SLC13A3: variants seen among roughly 807,000 people sequenced by gnomAD.
The protein encoded by SLC13A3 is solute carrier family 13 member 3.
In SLC13A3, 40 loss-of-function variants were observed where a neutral mutation model predicts 59.0. That is an observed-to-expected ratio of 0.68 (90% CI 0.53 to 0.88). SLC13A3 has a LOEUF of 0.88. Ranked by LOEUF, SLC13A3 falls within the 40% of genes least tolerant of loss-of-function variation. The probability of loss-of-function intolerance (pLI) is 0.00; values close to 1 mark genes in which losing one functional copy is unlikely to be tolerated. For synonymous variants in SLC13A3, 317 were observed against 330.3 expected (o/e 0.96, Z 0.44); for missense variants, 699 against 783.2 (o/e 0.89, Z 1.28).
intron 1 of SLC13A3, among the ~76,000 whole-genome samples, chr20:46,648,612 G>A (rs1369798777): frequency 6.6e-6 from 1 of 152,150 alleles, no homozygotes; most frequent in Non-Finnish European, 1.5e-5. Context: ...AGCATGTAAG[G>A]CACAGCAGTT....
intron 1 of SLC13A3, among the ~76,000 whole-genome samples, chr20:46,640,864 T>C (rs779170054): frequency 9.2e-5 from 14 of 152,162 alleles, no homozygotes; most frequent in Non-Finnish European, 1.6e-4. Flanking sequence ...CACTGTCCTG[T>C]TGAGTTGGGT....
intron 1 of SLC13A3, among the ~76,000 whole-genome samples, chr20:46,614,111 C>T (rs1252184375): frequency 6.6e-6 from 1 of 152,148 alleles, no homozygotes; most frequent in Non-Finnish European, 1.5e-5. Flanking sequence ...GGAAATGAAA[C>T]AGAAGGAAGC....
At chr20:46,648,107 A>G (rs1368932182) in intron 1 of SLC13A3, among the ~76,000 whole-genome samples, 3 of 152,196 alleles carry the variant, frequency 2.0e-5, no homozygotes, top group African/African-American at 7.2e-5. Flanking sequence ...GGAGGCTCTC[A>G]CAGGGAGTGA....
chr20:46,640,970 G>A (rs2062841277), intron 1 of SLC13A3, among the ~76,000 whole-genome samples: 1 of 152,166 alleles, frequency 6.6e-6, no homozygotes, highest in South Asian at 2.1e-4. Context: ...AAAGTTGGCT[G>A]GACCTCAGAG....
chr20:46,613,924 G>A, intron 1 of SLC13A3, 199 bp from the exon 2 acceptor site: 2 of 506,686 alleles, frequency 3.9e-6, no homozygotes, highest in East Asian at 3.2e-5. Context: ...CTTAAAGCAG[G>A]TGGCATCACC....
At chr20:46,593,837 C>T (rs1328499460) in intron 5 of SLC13A3, among the ~76,000 whole-genome samples, 1 of 152,092 alleles carries the variant, frequency 6.6e-6, no homozygotes, top group African/African-American at 2.4e-5. Flanking sequence ...AATATATACA[C>T]ATTTAATATA....
At chr20:46,607,923 C>T (rs916476447) in intron 3 of SLC13A3, among the ~76,000 whole-genome samples, 1 of 152,146 alleles carries the variant, frequency 6.6e-6, no homozygotes, top group Non-Finnish European at 1.5e-5. Flanking sequence ...ATGAGGTCCA[C>T]CTAAGAGTCC....
chr20:46,675,697 T>C (rs2063120856), intron 1 of SLC13A3, among the ~76,000 whole-genome samples: 1 of 151,452 alleles, frequency 6.6e-6, no homozygotes, highest in Non-Finnish European at 1.5e-5. Flanking sequence ...CCTTCCCGCC[T>C]CAGCCTCCCC....
chr20:46,622,645 T>C lies in SLC13A3; in HGVS notation c.112-8920A>G, dbSNP rs1370298084. On this transcript the variant is annotated intron_variant, in intron 1 of 12. Transcript: ENST00000279027. ...GCGTGTGTGTGTGTGTGTGTGTGTG[T>C]GTGTGTGTGTGTGTGTGTGTGTGTC... is the stretch of plus-strand genomic sequence containing the variant. 2.6e-5 allele frequency among the ~76,000 whole-genome samples: 4 copies of C among 151,244 alleles called. No individual in the cohort carries two copies. The South Asian group carries it at 6.3e-4, about 24-fold the overall frequency.
chr20:46,662,975 T>C (rs2063040346), intron 1 of SLC13A3, among the ~76,000 whole-genome samples: 1 of 152,218 alleles, frequency 6.6e-6, no homozygotes, highest in African/African-American at 2.4e-5. Context: ...TGCTGTTTAA[T>C]ATGCTTGAAC....
intron 11 of SLC13A3, among the ~76,000 whole-genome samples, chr20:46,565,627 G>A (rs1284316617): frequency 6.6e-6 from 1 of 152,168 alleles, no homozygotes; most frequent in East Asian, 1.9e-4. Context: ...CCCGGCCTGG[G>A]GCTGGTGATT....
chr20:46,562,129 T>C (rs1255872746), intron 12 of SLC13A3, among the ~76,000 whole-genome samples: 1 of 152,124 alleles, frequency 6.6e-6, no homozygotes, highest in Non-Finnish European at 1.5e-5. Flanking sequence ...CACTTGTCCC[T>C]CCCACCCTAA....
intron 1 of SLC13A3, among the ~76,000 whole-genome samples, chr20:46,663,394 A>G (rs1435288626): frequency 6.6e-6 from 1 of 151,844 alleles, no homozygotes; most frequent in Non-Finnish European, 1.5e-5. Flanking sequence ...ACAATGAGCT[A>G]TAATTGTGCC....
At chr20:46,657,939 C>T (rs2063004655) in intron 1 of SLC13A3, among the ~76,000 whole-genome samples, 2 of 152,152 alleles carry the variant, frequency 1.3e-5, no homozygotes, top group South Asian at 2.1e-4. Context: ...CCAGGCCCCA[C>T]CTCCAACATT....
In SLC13A3 at chr20:46,658,343, G is replaced by A. The variant is rs114418498; in HGVS notation, c.-31+11700C>T. On this transcript the variant is annotated intron_variant, in intron 1 of 12. Transcript: ENST00000290317. Reference sequence around the variant, plus strand: ...ACCATATAGTGATTGCCAAGCAATGGGGGTCAAAAGACAGGATCAACTGGA... The same window carrying A: ...ACCATATAGTGATTGCCAAGCAATGAGGGTCAAAAGACAGGATCAACTGGA... Among the ~76,000 whole-genome samples, 1,129 of 152,208 alleles carry A rather than the reference G, an allele frequency of 7.4e-3. 15 individuals carry two copies. The highest frequency in any genetic ancestry group is 0.025 in the African/African-American group (1,057 of 41,516).
intron 3 of SLC13A3, among the ~76,000 whole-genome samples, chr20:46,600,873 A>C (rs975294317): frequency 6.6e-6 from 1 of 152,216 alleles, no homozygotes. Context: ...GGGTAATGTG[A>C]CTGGAAAGTG....
intron 3 of SLC13A3, among the ~76,000 whole-genome samples, chr20:46,610,027 C>T (rs749280998): frequency 3.3e-5 from 5 of 152,228 alleles, no homozygotes; most frequent in Non-Finnish European, 4.4e-5. Flanking sequence ...TTCCTGTCAA[C>T]ATGGGGATTC....
chr20:46,566,425 C>G, intron 10 of SLC13A3, 35 bp from the exon 11 acceptor site: 1 of 1,591,456 alleles, frequency 6.3e-7, no homozygotes, highest in Non-Finnish European at 8.6e-7. Context: ...ATACCCCAGC[C>G]CATCCCCAGC....
chr20:46,680,474 C>T (rs1206787946), intron 1 of SLC13A3, among the ~76,000 whole-genome samples: 5 of 152,196 alleles, frequency 3.3e-5, no homozygotes, highest in Non-Finnish European at 7.3e-5. Flanking sequence ...TAAGGAAGCA[C>T]CTATTGCCCC....
Sources: allele counts gnomAD v4.1 joint callset (sites outside exome capture counted in the v4.1 genomes callset), GRCh38; gene constraint gnomAD v4.1.1; transcripts MANE v1.5; gene names NCBI Gene and HGNC (gene_info 2026-07-23, HGNC 2026-07-21).